The following CNTNAP2 variants were observed in gnomAD, a reference collection of about 807,000 sequenced individuals.
CNTNAP2 encodes contactin associated protein 2.
Under a neutral mutation model 155.2 loss-of-function variants are expected in CNTNAP2, and 98 were observed. The ratio of observed to expected loss-of-function variants is 0.63; its 90% CI spans 0.54 to 0.75. The LOEUF (loss-of-function observed/expected upper bound fraction) is 0.75. Among genes scored for constraint, CNTNAP2 ranks in the 30% least tolerant of loss-of-function variants. The pLI is 0.00. For missense variants in CNTNAP2, 1,727 were observed against 1,688.1 expected, an observed-to-expected ratio of 1.02 and a Z score of -0.40; for synonymous variants, 651 against 631.2, an observed-to-expected ratio of 1.03 and a Z score of -0.47.
In CNTNAP2 at chr7:148,224,789, T is replaced by C. The variant is rs534282509; in HGVS notation, c.3248-4857T>C. 1.1e-3 allele frequency among the ~76,000 whole-genome samples: 170 copies of C among 152,214 alleles called. 1 individual carries two copies. Among genetic ancestry groups the C allele is most frequent in the African/African-American group, 3.8e-3 (158 of 41,538 alleles). On this transcript the variant is annotated intron_variant, in intron 19 of 23. Transcript: ENST00000361727. The stretch of plus-strand genomic sequence containing the variant: ...GGCCTCAGGAAACTTACAGTAATGG[T>C]GGAAGGGGAAGCAAGCACGTCCTTC...
chr7:148,163,053 A>T (rs1269080235), intron 17 of CNTNAP2, among the ~76,000 whole-genome samples: 1 of 152,216 alleles, frequency 6.6e-6, no homozygotes, highest in African/African-American at 2.4e-5. Flanking sequence ...GTCTTGCCTC[A>T]GGTATTAATC....
At chr7:148,400,100 C>T (rs927506825) in intron 22 of CNTNAP2, among the ~76,000 whole-genome samples, 1 of 152,110 alleles carries the variant, frequency 6.6e-6, no homozygotes, top group Admixed American at 6.6e-5. Flanking sequence ...GAGTGCTCTC[C>T]CCCAAAGGCA....
At chr7:147,707,034 AT>A (rs888383281) in intron 13 of CNTNAP2, among the ~76,000 whole-genome samples, 6 of 151,142 alleles carry the variant, frequency 4.0e-5, no homozygotes, top group African/African-American at 1.5e-4. Context: ...CATATTCTGA[AT>A]TTTTTTTCTG....
At chr7:148,249,991 A>T (rs980968734) in intron 20 of CNTNAP2, among the ~76,000 whole-genome samples, 1 of 152,214 alleles carries the variant, frequency 6.6e-6, no homozygotes, top group Admixed American at 6.5e-5. Flanking sequence ...ACACCCACTG[A>T]CAGTCCTCGT....
intron 18 of CNTNAP2, among the ~76,000 whole-genome samples, chr7:148,203,339 G>A (rs1023759914): frequency 1.3e-5 from 2 of 152,144 alleles, no homozygotes; most frequent in Non-Finnish European, 2.9e-5. Flanking sequence ...CAAATAAAAC[G>A]TGTTTCCCTC....
intron 12 of CNTNAP2, among the ~76,000 whole-genome samples, chr7:147,598,293 G>C (rs962683528): frequency 6.6e-6 from 1 of 151,690 alleles, no homozygotes; most frequent in Non-Finnish European, 1.5e-5. Flanking sequence ...TTTAAATCCC[G>C]CATGTATTAG....
chr7:147,713,359 T>A (rs1028013972), intron 13 of CNTNAP2, among the ~76,000 whole-genome samples: 2 of 152,168 alleles, frequency 1.3e-5, no homozygotes, highest in African/African-American at 4.8e-5. Context: ...GATAACCTGA[T>A]CCATTTCCTG....
At chr7:148,347,331 C>A (rs2116591516) in intron 21 of CNTNAP2, among the ~76,000 whole-genome samples, 1 of 152,008 alleles carries the variant, frequency 6.6e-6, no homozygotes, top group Middle Eastern at 3.4e-3. Flanking sequence ...GTAATGCTTT[C>A]AGGGATAATT....
At chr7:147,772,434 T>TTC (rs201438181) in intron 13 of CNTNAP2, among the ~76,000 whole-genome samples, 1,372 of 109,690 alleles carry the variant, frequency 0.013, 116 homozygotes, top group Admixed American at 0.1. Flanking sequence ...ATATATATTA[T>TTC]TCTCTCTCTC....
chr7:147,907,161 A>G (rs1585021988), intron 14 of CNTNAP2, among the ~76,000 whole-genome samples: 1 of 151,836 alleles, frequency 6.6e-6, no homozygotes, highest in East Asian at 1.9e-4. Context: ...GGTTCACACC[A>G]TTTTCCTGCC....
chr7:147,609,317 G>A (rs920920588), intron 12 of CNTNAP2, among the ~76,000 whole-genome samples: 4 of 152,128 alleles, frequency 2.6e-5, no homozygotes, highest in African/African-American at 9.7e-5. Context: ...GGACCACGAG[G>A]TCAGGAGATT....
chr7:146,917,563 C>G (rs1393321539), intron 3 of CNTNAP2, among the ~76,000 whole-genome samples: 1 of 151,924 alleles, frequency 6.6e-6, no homozygotes, highest in Non-Finnish European at 1.5e-5. Flanking sequence ...ATATAATGTC[C>G]TTCTTTGTCT....
intron 16 of CNTNAP2, among the ~76,000 whole-genome samples, chr7:148,120,400 G>T (rs1804573118): frequency 1.3e-5 from 2 of 151,906 alleles, no homozygotes; most frequent in South Asian, 4.2e-4. Context: ...CCAAGTAGCT[G>T]GGACTACAGG....
At chr7:146,933,972 A>G (rs984310753) in intron 3 of CNTNAP2, among the ~76,000 whole-genome samples, 1 of 152,132 alleles carries the variant, frequency 6.6e-6, no homozygotes, top group Non-Finnish European at 1.5e-5. Flanking sequence ...GAGAAATAGG[A>G]ACACTTTTAC....
At chr7:147,722,942 C>G (rs1796586267) in intron 13 of CNTNAP2, among the ~76,000 whole-genome samples, 1 of 152,042 alleles carries the variant, frequency 6.6e-6, no homozygotes, top group South Asian at 2.1e-4. Context: ...TTTCACTTTC[C>G]TCATATCACA....
At chr7:147,103,968 A>T (rs942209536) in intron 4 of CNTNAP2, among the ~76,000 whole-genome samples, 1 of 152,092 alleles carries the variant, frequency 6.6e-6, no homozygotes, top group Admixed American at 6.6e-5. Context: ...CTAGGGAGGC[A>T]TCATAACTAA....
chr7:147,035,482 A>T (rs1799137386), intron 3 of CNTNAP2, among the ~76,000 whole-genome samples: 3 of 152,244 alleles, frequency 2.0e-5, no homozygotes, highest in Admixed American at 6.5e-5. Context: ...TGTAATGATC[A>T]CAGGTTTAGT....
intron 1 of CNTNAP2, among the ~76,000 whole-genome samples, chr7:146,368,004 A>G (rs559510560): frequency 6.6e-6 from 1 of 152,140 alleles, no homozygotes; most frequent in African/African-American, 2.4e-5. Context: ...CATTTCATCA[A>G]AGGTTGAACA....
At chr7:148,331,055 G>C (rs1211726135) in intron 21 of CNTNAP2, among the ~76,000 whole-genome samples, 1 of 146,240 alleles carries the variant, frequency 6.8e-6, no homozygotes, top group African/African-American at 2.5e-5. Flanking sequence ...GGACGGATGG[G>C]ATGGATGGAG....
Sources: allele counts gnomAD v4.1 joint callset (sites outside exome capture counted in the v4.1 genomes callset), GRCh38; gene constraint gnomAD v4.1.1; transcripts MANE v1.5; gene names NCBI Gene and HGNC (gene_info 2026-07-23, HGNC 2026-07-21).